The following MPDZ variants were observed in gnomAD, a reference collection of about 807,000 sequenced individuals.
MPDZ encodes multiple PDZ domain crumbs cell polarity complex component.
A neutral mutation model predicts 239.1 loss-of-function variants in MPDZ; 234 were observed. The ratio of observed to expected loss-of-function variants is 0.98; its 90% CI spans 0.88 to 1.09. The LOEUF (loss-of-function observed/expected upper bound fraction) is 1.09. MPDZ is among the 50% of genes least tolerant of loss of function. The probability of loss-of-function intolerance (pLI) is 0.00; values close to 1 mark genes in which losing one functional copy is unlikely to be tolerated. For synonymous variants in MPDZ, 1,048 were observed against 881.3 expected (o/e 1.19, Z -3.35); for missense variants, 3,175 against 2,510.0 (o/e 1.26, Z -5.66).
chr9:13,106,898 A>C lies in MPDZ; in HGVS notation c.*67T>G. On this transcript the variant is annotated 3_prime_UTR_variant, in exon 47 of 47. Transcript: ENST00000319217. ...TGAACACAGCATAAAAATTGTCAGGACCAGTGCATTCTCTTTACAGTAGGA... is the reference window on the plus strand; with the variant it reads ...TGAACACAGCATAAAAATTGTCAGGCCCAGTGCATTCTCTTTACAGTAGGA... The C allele has an allele frequency of 6.4e-7, 1 of 1,557,704 alleles. No individual in the cohort carries two copies. Among genetic ancestry groups the C allele is most frequent in the Non-Finnish European group, 8.8e-7 (1 of 1,135,240 alleles).
At chr9:13,165,995 C>T (rs749297100) in intron 22 of MPDZ, among the ~76,000 whole-genome samples, 4 of 152,110 alleles carry the variant, frequency 2.6e-5, no homozygotes, top group Non-Finnish European at 5.9e-5. Flanking sequence ...AAATCCAGTG[C>T]ATTCTCTCAA....
At chr9:13,234,547 G>C (rs1247368809) in intron 3 of MPDZ, among the ~76,000 whole-genome samples, 1 of 152,052 alleles carries the variant, frequency 6.6e-6, no homozygotes, top group African/African-American at 2.4e-5. Flanking sequence ...CAGTATAGCA[G>C]TAAGAATAAA....
intron 23 of MPDZ, among the ~76,000 whole-genome samples, chr9:13,160,439 C>T (rs998481987): frequency 1.3e-5 from 2 of 152,096 alleles, no homozygotes; most frequent in Admixed American, 1.3e-4. Context: ...GGAGGAAGCA[C>T]AGTGCTCAAA....
At position 13,159,467 on chromosome 9, in the gene MPDZ, T is replaced by G. The variant is rs371757016; in HGVS notation, c.3360-1357A>C. On this transcript the variant is annotated intron_variant, in intron 23 of 46. Transcript: ENST00000319217. ...TGTCAAAGAGTTGACAGAGAAATAG[T>G]AAAAGTGAAATCTTTGTCCAGAGGA... 3.9e-5 allele frequency among the ~76,000 whole-genome samples: 6 copies of G among 152,046 alleles called. No homozygotes were observed. The East Asian group carries it at 1.2e-3, about 29-fold the overall frequency.
intron 13 of MPDZ, 44 bp from the exon 14 acceptor site, chr9:13,193,357 T>C: frequency 6.4e-7 from 1 of 1,555,632 alleles, no homozygotes; most frequent in South Asian, 1.2e-5. Context: ...TTATATTCTT[T>C]TTATTTTTAC....
At chr9:13,179,189 T>A (rs1439867524) in intron 19 of MPDZ, among the ~76,000 whole-genome samples, 1 of 152,100 alleles carries the variant, frequency 6.6e-6, no homozygotes, top group East Asian at 1.9e-4. Context: ...CAGGAAGGTA[T>A]CATCCTCCAC....
chr9:13,158,074 C>T lies in MPDZ; in HGVS notation c.3396G>A (p.Glu1132=), dbSNP rs1235631115. Residue 1132 remains glutamate (E), a synonymous_variant, in exon 24 of 47, where the codon GAG becomes GAA. Transcript: ENST00000319217. ...TGTTTTGAAGTTCGCTTTCTTCACC[C>T]TCTCCCTCTTCTCGCTCTGGTAATT... ...IPELPEREEG[E]GEESELQNTA... is the part of the protein sequence containing the mutation. 1.2e-6 allele frequency: 2 copies of T among 1,612,754 alleles called. No individual in the cohort carries two copies. The highest frequency in any genetic ancestry group is 1.7e-6 in the Non-Finnish European group (2 of 1,179,172).
Position 13,106,867 on chromosome 9 carries a change from C to A in MPDZ, c.*98G>T, listed in dbSNP as rs986574290. 1.1e-5 allele frequency: 15 copies of A among 1,357,460 alleles called. No homozygotes were observed. The Admixed American group carries it at 2.7e-4, about 25-fold the overall frequency. 84.1% of individuals were successfully genotyped at this position (1,357,460 alleles called of 1,614,324 possible). A position where few individuals can be genotyped will look rare whatever the true frequency, so the allele number is the denominator to read the frequency against. On this transcript the variant is annotated 3_prime_UTR_variant, in exon 47 of 47. Coordinates refer to ENST00000319217, the MANE Select transcript of MPDZ (RefSeq NM_001378778.1). ...TATTTCCCCCCTACAGTTTTGAAGA[C>A]CCGGCTGAACACAGCATAAAAATTG...
chr9:13,183,121 C>T (rs979790808), intron 19 of MPDZ, among the ~76,000 whole-genome samples: 3 of 152,042 alleles, frequency 2.0e-5, no homozygotes, highest in African/African-American at 7.2e-5. Flanking sequence ...GCTAAAAACA[C>T]AACTTGAGAA....
intron 3 of MPDZ, among the ~76,000 whole-genome samples, chr9:13,237,955 C>T (rs1288489579): frequency 6.6e-6 from 1 of 151,996 alleles, no homozygotes; most frequent in African/African-American, 2.4e-5. Flanking sequence ...GCAAGATAGA[C>T]AAATAGATTT....
chr9:13,279,221 C>A (rs1975006329), intron 1 of MPDZ, 179 bp downstream of exon 1: 1 of 142,010 alleles, frequency 7.0e-6, no homozygotes. Context: ...AGCGCACCGC[C>A]CCACCGCCCC....
chr9:13,110,318 T>C (rs1208174621), intron 44 of MPDZ, among the ~76,000 whole-genome samples: 3 of 152,220 alleles, frequency 2.0e-5, no homozygotes, highest in African/African-American at 7.2e-5. Flanking sequence ...TGGTCTCATA[T>C]GTAATTACTT....
intron 1 of MPDZ, among the ~76,000 whole-genome samples, chr9:13,269,766 T>G (rs1564172534): frequency 6.6e-6 from 1 of 152,204 alleles, no homozygotes; most frequent in Non-Finnish European, 1.5e-5. Flanking sequence ...CAGTCATTGG[T>G]AGTCCACACT....
chr9:13,109,868 A>C, intron 45 of MPDZ, 84 bp downstream of exon 45: 2 of 1,054,000 alleles, frequency 1.9e-6, no homozygotes, highest in Non-Finnish European at 2.8e-6. Flanking sequence ...TAATTCCTAG[A>C]AACATGGGAC....
intron 32 of MPDZ, among the ~76,000 whole-genome samples, chr9:13,129,682 T>A (rs1391910272): frequency 6.6e-6 from 1 of 152,054 alleles, no homozygotes; most frequent in Non-Finnish European, 1.5e-5. Flanking sequence ...ATACAGGGAA[T>A]AGAAAACAAA....
chr9:13,132,291 T>C (rs895041940), intron 32 of MPDZ, among the ~76,000 whole-genome samples: 2 of 152,184 alleles, frequency 1.3e-5, no homozygotes, highest in Non-Finnish European at 2.9e-5. Flanking sequence ...GCAGCACCAT[T>C]TACAGAAGAC....
chr9:13,221,419 T>G lies in MPDZ; in HGVS notation c.829A>C (p.Thr277Pro). Residue 277 changes from threonine (T) to proline (P), a missense_variant, in exon 7 of 47, where the codon ACT becomes CCT. Thr to Pro is a conservative substitution (Grantham distance 38, BLOSUM62 -1). Coordinates refer to ENST00000319217, the MANE Select transcript of MPDZ (RefSeq NM_001378778.1). ...LGFGIIGGKATGVIVKTILPG... is the reference protein window; with the variant it reads ...LGFGIIGGKAPGVIVKTILPG... ...AGAATGGTTTTTACTATCACACCAG[T>G]TGCTTTTCCTCCTATGATGCCAAAT... The G allele has an allele frequency of 6.2e-7, 1 of 1,611,396 alleles. No homozygotes were observed. Among genetic ancestry groups the G allele is most frequent in the Non-Finnish European group, 8.5e-7 (1 of 1,178,326 alleles).
intron 32 of MPDZ, among the ~76,000 whole-genome samples, chr9:13,131,915 C>G (rs1014645776): frequency 6.6e-6 from 1 of 152,162 alleles, no homozygotes; most frequent in Non-Finnish European, 1.5e-5. Context: ...TAAGTGACTC[C>G]AAAGCCCACA....
chr9:13,138,384 G>A (rs967188820), intron 28 of MPDZ, among the ~76,000 whole-genome samples: 23 of 152,230 alleles, frequency 1.5e-4, no homozygotes, highest in African/African-American at 5.1e-4. Context: ...CACAATGTCT[G>A]ATTAATCAGT....
Sources: gnomAD v4.1 joint callset for allele counts (sites outside exome capture counted in the v4.1 genomes callset) on GRCh38, gnomAD v4.1.1 for gene constraint, MANE v1.5 for transcripts, NCBI Gene and HGNC (gene_info 2026-07-23, HGNC 2026-07-21) for gene names.